The following CDKAL1 variants were observed in gnomAD, a reference collection of about 807,000 sequenced individuals.
The protein encoded by CDKAL1 is CDKAL1 threonylcarbamoyladenosine tRNA methylthiotransferase.
CDKAL1 carries 32 observed loss-of-function variants against 68.2 expected under a neutral mutation model. The observed-to-expected ratio is 0.47, with a 90% CI of 0.35 to 0.63. The LOEUF (loss-of-function observed/expected upper bound fraction) is 0.63. CDKAL1 is among the 30% of genes least tolerant of loss of function. The pLI, the probability that CDKAL1 is intolerant of heterozygous loss-of-function variation, is 0.00. For missense variants in CDKAL1, 606 were observed against 696.7 expected (o/e 0.87, Z 1.47); for synonymous variants, 234 against 244.3 (o/e 0.96, Z 0.39).
At chr6:21,007,386 TTGGGAGGCTGAGGTTGAGCC>T (rs1242067362) in intron 11 of CDKAL1, among the ~76,000 whole-genome samples, 1 of 150,012 alleles carries the variant, frequency 6.7e-6, no homozygotes, top group East Asian at 2.0e-4. Flanking sequence ...TCGCAGCTAC[TTGGGAGGCTGAGGTTGAGCC>T]TGGGAGGCAG....
chr6:21,203,691 CTTTTTTTTTTT>C (rs915087377), intron 15 of CDKAL1, among the ~76,000 whole-genome samples: 6 of 94,132 alleles, frequency 6.4e-5, no homozygotes, highest in East Asian at 2.9e-4. Flanking sequence ...CACTTGACCT[CTTTTTTTTTTT>C]TTTTTTTTTT....
chr6:20,726,729 C>T (rs1382196751), intron 5 of CDKAL1, among the ~76,000 whole-genome samples: 2 of 152,250 alleles, frequency 1.3e-5, no homozygotes, highest in African/African-American at 4.8e-5. Context: ...TTTTATGCCT[C>T]ACCAGTTCTG....
chr6:20,994,276 C>T (rs9368263), intron 10 of CDKAL1, among the ~76,000 whole-genome samples: 29,537 of 152,154 alleles, frequency 0.19, 3,043 homozygotes, highest in Admixed American at 0.27. Context: ...GTCAGGAGTT[C>T]GAGACCAGCC....
chr6:20,967,122 C>A (rs1312925803), intron 10 of CDKAL1, among the ~76,000 whole-genome samples: 4 of 152,154 alleles, frequency 2.6e-5, no homozygotes, highest in Non-Finnish European at 5.9e-5. Flanking sequence ...TTTCCTCTGC[C>A]TCTGTTTCCA....
chr6:20,703,971 A>G (rs1212496306), intron 5 of CDKAL1, among the ~76,000 whole-genome samples: 3 of 152,214 alleles, frequency 2.0e-5, no homozygotes, highest in Non-Finnish European at 2.9e-5. Context: ...ACACTAATAA[A>G]ATTATGTCTT....
chr6:20,736,571 C>A (rs893513068), intron 5 of CDKAL1, among the ~76,000 whole-genome samples: 22 of 152,166 alleles, frequency 1.4e-4, no homozygotes, highest in African/African-American at 5.1e-4. Flanking sequence ...GAGATCGAGA[C>A]CATCCTGGCT....
chr6:20,836,009 TCTC>T (rs1026720278), intron 8 of CDKAL1, among the ~76,000 whole-genome samples: 3 of 152,160 alleles, frequency 2.0e-5, no homozygotes, highest in Admixed American at 6.5e-5. Flanking sequence ...TCTCCTTCCT[TCTC>T]CTGGCTGTTG....
At chr6:20,635,367 C>T (rs1437963495) in intron 4 of CDKAL1, among the ~76,000 whole-genome samples, 1 of 152,152 alleles carries the variant, frequency 6.6e-6, no homozygotes, top group Admixed American at 6.5e-5. Flanking sequence ...AGTCCCTGGT[C>T]CCAAAGGGCA....
intron 5 of CDKAL1, among the ~76,000 whole-genome samples, chr6:20,685,689 G>GT (rs2127797121): frequency 6.6e-6 from 1 of 152,080 alleles, no homozygotes; most frequent in South Asian, 2.1e-4. Context: ...AGTTTTTTTA[G>GT]TTTTTTAAAA....
chr6:21,093,894 CTTT>C (rs33945169), intron 12 of CDKAL1, among the ~76,000 whole-genome samples: 39 of 111,042 alleles, frequency 3.5e-4, no homozygotes, highest in East Asian at 1.5e-3. Flanking sequence ...CCACACCTGG[CTTT>C]TTTTTTTTTT....
intron 8 of CDKAL1, among the ~76,000 whole-genome samples, chr6:20,815,203 G>A (rs1169243362): frequency 2.0e-5 from 3 of 152,198 alleles, no homozygotes; most frequent in East Asian, 3.9e-4. Context: ...TCTTGAGAAC[G>A]GTTGCAGGCT....
chr6:20,969,337 T>C (rs1381281756), intron 10 of CDKAL1, among the ~76,000 whole-genome samples: 1 of 152,138 alleles, frequency 6.6e-6, no homozygotes, highest in Non-Finnish European at 1.5e-5. Flanking sequence ...AAGAAAATCA[T>C]AAGAAGAGAA....
At chr6:21,163,069 G>A (rs1469747985) in intron 13 of CDKAL1, among the ~76,000 whole-genome samples, 3 of 152,146 alleles carry the variant, frequency 2.0e-5, no homozygotes, top group African/African-American at 7.2e-5. Flanking sequence ...GAGGCCAACT[G>A]GGACAGAACA....
chr6:20,715,630 G>A (rs4712531), intron 5 of CDKAL1, among the ~76,000 whole-genome samples: 121,406 of 152,166 alleles, frequency 0.8, 48,523 homozygotes, highest in Middle Eastern at 0.84. Context: ...GGGCACCTCC[G>A]TACTGTTTTC....
At chr6:20,738,492 T>G (rs1773298750) in intron 5 of CDKAL1, among the ~76,000 whole-genome samples, 1 of 149,110 alleles carries the variant, frequency 6.7e-6, no homozygotes, top group Admixed American at 6.7e-5. Flanking sequence ...TTAGTTTTTT[T>G]TTTTTTTTTT....
At chr6:20,869,889 G>T (rs1760113601) in intron 9 of CDKAL1, among the ~76,000 whole-genome samples, 1 of 152,090 alleles carries the variant, frequency 6.6e-6, no homozygotes, top group South Asian at 2.1e-4. Flanking sequence ...ATAACGGGGT[G>T]CAGTGTATCA....
At chr6:20,952,250 G>A (rs1017210316) in intron 9 of CDKAL1, among the ~76,000 whole-genome samples, 20 of 152,058 alleles carry the variant, frequency 1.3e-4, no homozygotes, top group African/African-American at 2.7e-4. Context: ...GAGCCACTGC[G>A]CCCGCCCCCT....
At chr6:20,903,295 T>G (rs1163777525) in intron 9 of CDKAL1, among the ~76,000 whole-genome samples, 3 of 152,170 alleles carry the variant, frequency 2.0e-5, no homozygotes, top group Non-Finnish European at 4.4e-5. Flanking sequence ...TACTCTCTCC[T>G]TTAATCTTCC....
At chr6:20,794,420 T>A (rs1776027383) in intron 8 of CDKAL1, among the ~76,000 whole-genome samples, 1 of 152,122 alleles carries the variant, frequency 6.6e-6, no homozygotes, top group South Asian at 2.1e-4. Context: ...CTGCTTAAAA[T>A]CTCTTACCAG....
Sources: gnomAD v4.1 joint callset for allele counts (sites outside exome capture counted in the v4.1 genomes callset) on GRCh38, gnomAD v4.1.1 for gene constraint, MANE v1.5 for transcripts, NCBI Gene and HGNC (gene_info 2026-07-23, HGNC 2026-07-21) for gene names.